The following NUP153 variants were observed in gnomAD, a reference collection of about 807,000 sequenced individuals.
NUP153 encodes nuclear pore complex protein Nup153.
NUP153 carries 27 observed loss-of-function variants against 134.6 expected under a neutral mutation model. The observed-to-expected ratio is 0.20, with a 90% CI of 0.15 to 0.28. The LOEUF is 0.28. Among genes scored for constraint, NUP153 ranks in the 10% least tolerant of loss-of-function variants. The pLI is 1.00. For missense variants in NUP153, 1,821 were observed against 1,731.3 expected (o/e 1.05, Z -0.92); for synonymous variants, 640 against 623.5 (o/e 1.03, Z -0.40).
chr6:17,642,627 T>C (rs1475292798), intron 14 of NUP153, among the ~76,000 whole-genome samples: 3 of 152,218 alleles, frequency 2.0e-5, no homozygotes, highest in African/African-American at 7.2e-5. Flanking sequence ...AACAGTTTAG[T>C]GATTCTTCAA....
chr6:17,647,250 G>A (rs948549399), intron 13 of NUP153, among the ~76,000 whole-genome samples: 1 of 151,992 alleles, frequency 6.6e-6, no homozygotes, highest in Non-Finnish European at 1.5e-5. Context: ...ATTAAACTAC[G>A]TGTTATTCTT....
intron 17 of NUP153, among the ~76,000 whole-genome samples, chr6:17,631,466 C>CCCATTA (rs1765249287): frequency 6.6e-6 from 1 of 152,186 alleles, no homozygotes; most frequent in Admixed American, 6.5e-5. Context: ...AAATAATGTA[C>CCCATTA]ATTGTGCCCA....
intron 17 of NUP153, 146 bp from the exon 18 acceptor site, chr6:17,629,685 T>C (rs1441724150): frequency 1.6e-6 from 1 of 641,932 alleles, no homozygotes; most frequent in African/African-American, 1.9e-5. Context: ...GTAAACATAA[T>C]CCAAGGTGAC....
At chr6:17,652,566 G>GA (rs1230010764) in intron 11 of NUP153, among the ~76,000 whole-genome samples, 3 of 150,778 alleles carry the variant, frequency 2.0e-5, no homozygotes. Flanking sequence ...AAAAATATTA[G>GA]AAAAAAAAAT....
chr6:17,675,867 T>C lies in NUP153; in HGVS notation c.335-97A>G, dbSNP rs1410488214. The C allele has an allele frequency of 2.3e-5, 27 of 1,149,952 alleles. No homozygotes were observed. The highest frequency in any genetic ancestry group is 6.4e-6 in the Non-Finnish European group (5 of 778,080). 71.2% of individuals were successfully genotyped at this position (1,149,952 alleles called of 1,614,324 possible). A position where few individuals can be genotyped will look rare whatever the true frequency, so the allele number is the denominator to read the frequency against. On this transcript the variant is annotated intron_variant, in intron 2 of 21. Coordinates refer to ENST00000262077, the MANE Select transcript of NUP153 (RefSeq NM_005124.4). The surrounding 1 kb of genome is among the most constrained non-coding windows in gnomAD (Gnocchi z 4.4). ...TAAGAAAACACATTACAGTATATAA[T>C]AGCTTCAATTCAAATCACTGGGGCA...
intron 17 of NUP153, among the ~76,000 whole-genome samples, chr6:17,630,713 A>G (rs555662213): frequency 3.0e-3 from 337 of 113,466 alleles, no homozygotes; most frequent in African/African-American, 0.011. Context: ...GGGAGACGAG[A>G]GGGGAGGGGA....
chr6:17,691,254 A>C (rs751901281), intron 1 of NUP153, among the ~76,000 whole-genome samples: 4 of 152,224 alleles, frequency 2.6e-5, no homozygotes, highest in Admixed American at 6.5e-5. Flanking sequence ...TCTATCAAAC[A>C]CATGAAGCCA....
At chr6:17,621,280 T>C (rs1008902987) in intron 20 of NUP153, among the ~76,000 whole-genome samples, 2 of 152,206 alleles carry the variant, frequency 1.3e-5, no homozygotes, top group African/African-American at 2.4e-5. Flanking sequence ...ATAACCGTTA[T>C]GGAAAACAGT....
chr6:17,637,057 C>T, intron 16 of NUP153, 96 bp downstream of exon 16: 1 of 1,211,734 alleles, frequency 8.3e-7, no homozygotes. Context: ...ATGAGAAATG[C>T]TCATCCTGAA....
At chr6:17,678,826 TC>T (rs200418326) in intron 2 of NUP153, among the ~76,000 whole-genome samples, 3,865 of 151,642 alleles carry the variant, frequency 0.025, 73 homozygotes, top group Non-Finnish European at 0.044. Context: ...ACAGCTGTAG[TC>T]CCAGCTACTC....
At chr6:17,622,654 T>C (rs1019015940) in intron 20 of NUP153, among the ~76,000 whole-genome samples, 1 of 152,108 alleles carries the variant, frequency 6.6e-6, no homozygotes, top group Non-Finnish European at 1.5e-5. Flanking sequence ...ATTGACTTTT[T>C]CTTTGTATTT....
rs1183096629 is a variant in NUP153 at position 17,675,268 on chromosome 6, T to C, written c.684A>G (p.Lys228=). Residue 228 remains lysine (K), a synonymous_variant, in exon 4 of 22, where the codon AAA becomes AAG. Coordinates refer to ENST00000262077, the MANE Select transcript of NUP153 (RefSeq NM_005124.4). The surrounding 1 kb of genome is among the most constrained non-coding windows in gnomAD (Gnocchi z 4.4). ...LSQHTATSSK[K]PAFNLSAFGT... Reference sequence around the variant, plus strand: ...CAAAGGCAGACAAGTTGAATGCTGGTTTTTTTGAGCTGGTGGCAGTGTGCT... The same window carrying C: ...CAAAGGCAGACAAGTTGAATGCTGGCTTTTTTGAGCTGGTGGCAGTGTGCT... The C allele has an allele frequency of 6.2e-7, 1 of 1,613,740 alleles. No individual in the cohort carries two copies. Among genetic ancestry groups the C allele is most frequent in the African/African-American group, 1.3e-5 (1 of 74,904 alleles).
intron 19 of NUP153, 74 bp from the exon 20 acceptor site, chr6:17,624,907 C>A: frequency 2.1e-6 from 3 of 1,401,200 alleles, no homozygotes; most frequent in Admixed American, 2.8e-5. Context: ...TTCTGTAAAC[C>A]CACAAGCAAA....
chr6:17,626,214 A>C, intron 18 of NUP153, 50 bp from the exon 19 acceptor site: 14 of 1,442,360 alleles, frequency 9.7e-6, no homozygotes, highest in African/African-American at 2.8e-5. Flanking sequence ...GAATAGTCTC[A>C]GAAAGTACTT....
chr6:17,629,429 A>G lies in NUP153; in HGVS notation c.2770T>C (p.Phe924Leu). 1 of 1,614,112 alleles carries G rather than the reference A, an allele frequency of 6.2e-7. No individual in the cohort carries two copies. Among genetic ancestry groups the G allele is most frequent in the Non-Finnish European group, 8.5e-7 (1 of 1,180,006 alleles). Residue 924 changes from phenylalanine (F) to leucine (L), a missense_variant, in exon 18 of 22, where the codon TTT (phenylalanine) becomes CTT (leucine). Coordinates refer to ENST00000262077, the MANE Select transcript of NUP153 (RefSeq NM_005124.4). Reference sequence around the variant, plus strand: ...AATCCTCCCTGATCTCCAAATTTAAAATTTCCAGTGCTTGTTAAAGTCTGA... The same window carrying G: ...AATCCTCCCTGATCTCCAAATTTAAGATTTCCAGTGCTTGTTAAAGTCTGA... ...PSQTLTSTGN[F>L]KFGDQGGFKI...
At chr6:17,639,823 G>GT (rs1765744877) in intron 15 of NUP153, 116 bp downstream of exon 15, 2 of 887,998 alleles carry the variant, frequency 2.3e-6, no homozygotes, top group African/African-American at 3.4e-5. Flanking sequence ...CTATTCAAAA[G>GT]TAAATCTCCT....
In NUP153 at chr6:17,683,133, CA is replaced by C. The variant is rs542547710; in HGVS notation, c.334+5262del. Among the ~76,000 whole-genome samples the C allele has an allele frequency of 6.6e-5, 10 of 152,222 alleles. No individual in the cohort carries two copies. In the South Asian group the frequency reaches 2.1e-3, roughly 32 times the overall value. On this transcript the variant is annotated intron_variant, in intron 2 of 21. Coordinates refer to ENST00000262077, the MANE Select transcript of NUP153 (RefSeq NM_005124.4). ...CAAAGTTATCCATGGGGGCTGGAAT[CA>C]ACTTTCTCTAAACTCCTATTCATGT...
intron 1 of NUP153, among the ~76,000 whole-genome samples, chr6:17,698,614 TG>T (rs1769819228): frequency 6.6e-6 from 1 of 151,796 alleles, no homozygotes; most frequent in South Asian, 2.1e-4. Flanking sequence ...GGTGGGCACC[TG>T]TAGTCCCAGC....
At chr6:17,657,360 T>C (rs937325818) in intron 11 of NUP153, among the ~76,000 whole-genome samples, 4 of 148,490 alleles carry the variant, frequency 2.7e-5, no homozygotes, top group Non-Finnish European at 5.9e-5. Flanking sequence ...CTGGACAACA[T>C]GGCAAAACCC....
Sources: gnomAD v4.1 joint callset for allele counts (sites outside exome capture counted in the v4.1 genomes callset) on GRCh38, gnomAD v4.1.1 for gene constraint, Gnocchi (gnomAD v3.1) non-coding constraint, MANE v1.5 for transcripts, NCBI Gene and HGNC (gene_info 2026-07-23, HGNC 2026-07-21) for gene names.